The following BNC2 variants were observed in gnomAD, a reference collection of about 807,000 sequenced individuals.
BNC2 encodes basonuclin zinc finger protein 2.
A neutral mutation model predicts 76.3 loss-of-function variants in BNC2; 20 were observed. That is an observed-to-expected ratio of 0.26 (90% CI 0.18 to 0.38). The LOEUF is 0.38. Ranked by LOEUF, BNC2 falls within the 10% of genes least tolerant of loss-of-function variation. BNC2 has a pLI of 1.00. For missense variants in BNC2, 1,382 were observed against 1,399.8 expected (o/e 0.99, Z 0.20); for synonymous variants, 582 against 514.8 (o/e 1.13, Z -1.77).
intron 1 of BNC2, among the ~76,000 whole-genome samples, chr9:16,764,130 AT>A (rs772287830): frequency 1.1e-4 from 16 of 152,084 alleles, no homozygotes; most frequent in Non-Finnish European, 1.6e-4. Context: ...AGGAACTTTA[AT>A]TTTTTTGGCC....
At chr9:16,463,278 A>G (rs537009236) in intron 5 of BNC2, among the ~76,000 whole-genome samples, 74 of 151,240 alleles carry the variant, frequency 4.9e-4, no homozygotes, top group African/African-American at 1.8e-3. Flanking sequence ...CACTGTGAGC[A>G]TACAAGTATT....
At chr9:16,522,884 G>A (rs1438622521) in intron 5 of BNC2, among the ~76,000 whole-genome samples, 1 of 152,050 alleles carries the variant, frequency 6.6e-6, no homozygotes, top group Non-Finnish European at 1.5e-5. Flanking sequence ...ACCCCCAGCT[G>A]TCCAGAAAAG....
chr9:16,802,787 T>C (rs975572589), intron 1 of BNC2, among the ~76,000 whole-genome samples: 1 of 152,224 alleles, frequency 6.6e-6, no homozygotes, highest in Non-Finnish European at 1.5e-5. Context: ...GAGATTCTGC[T>C]GGGACCAGAG....
intron 6 of BNC2, among the ~76,000 whole-genome samples, chr9:16,420,502 A>G (rs936454930): frequency 6.6e-6 from 1 of 152,098 alleles, no homozygotes; most frequent in South Asian, 2.1e-4. Context: ...AAAAAATCAC[A>G]CTGAACAACA....
At position 16,418,068 on chromosome 9, in the gene BNC2, A is replaced by G. The variant is rs1364881999; in HGVS notation, c.*921T>C. ...ATACTGACCAGACCATTTTTATACA[A>G]GTGAATTTTTTTTAAAAAAGACACT... is the stretch of plus-strand genomic sequence containing the variant. On this transcript the variant is annotated 3_prime_UTR_variant, in exon 7 of 7. Coordinates refer to ENST00000380672, the MANE Select transcript of BNC2 (RefSeq NM_017637.6). The G allele has an allele frequency of 6.6e-6, 1 of 152,662 alleles. No homozygotes were observed. The highest frequency in any genetic ancestry group is 1.5e-5 in the Non-Finnish European group (1 of 68,046). The allele number at this position is 152,662 out of a possible 1,614,324, so 9.5% of individuals were successfully genotyped here. A position where few individuals can be genotyped will look rare whatever the true frequency, so the allele number is the denominator to read the frequency against.
At chr9:16,613,571 A>G (rs1013268736) in intron 3 of BNC2, among the ~76,000 whole-genome samples, 3 of 152,182 alleles carry the variant, frequency 2.0e-5, no homozygotes, top group Non-Finnish European at 4.4e-5. Flanking sequence ...GAGATCAGCT[A>G]CTACCTTCAT....
At chr9:16,424,836 G>A (rs10511620) in intron 6 of BNC2, among the ~76,000 whole-genome samples, 8,384 of 152,208 alleles carry the variant, frequency 0.055, 278 homozygotes, top group Middle Eastern at 0.11. Flanking sequence ...TATCTGGATT[G>A]CTACAACACT....
chr9:16,772,844 A>C (rs1273730029), intron 1 of BNC2, among the ~76,000 whole-genome samples: 1 of 152,196 alleles, frequency 6.6e-6, no homozygotes, highest in South Asian at 2.1e-4. Context: ...ATATTCTATG[A>C]AGACTGATTC....
chr9:16,740,351 G>A (rs1169047439), intron 1 of BNC2, among the ~76,000 whole-genome samples: 51 of 152,196 alleles, frequency 3.4e-4, no homozygotes, highest in Admixed American at 3.3e-3. Flanking sequence ...GACAGTGACT[G>A]ACACAGTATA....
chr9:16,813,631 G>C (rs1818112746), intron 1 of BNC2, among the ~76,000 whole-genome samples: 1 of 152,172 alleles, frequency 6.6e-6, no homozygotes, highest in African/African-American at 2.4e-5. Context: ...AGAATGGAAA[G>C]AGGGGATGAA....
intron 1 of BNC2, among the ~76,000 whole-genome samples, chr9:16,752,112 A>C (rs1825234903): frequency 6.6e-6 from 1 of 152,154 alleles, no homozygotes; most frequent in African/African-American, 2.4e-5. Flanking sequence ...CTGTTCTAAT[A>C]ATTTCTTTTA....
At chr9:16,445,509 C>A (rs1333627132) in intron 5 of BNC2, among the ~76,000 whole-genome samples, 1 of 150,736 alleles carries the variant, frequency 6.6e-6, no homozygotes, top group Non-Finnish European at 1.5e-5. Context: ...TTTTTTAAAT[C>A]AACATTTGTT....
At chr9:16,689,243 G>A (rs1469562380) in intron 3 of BNC2, among the ~76,000 whole-genome samples, 1 of 151,902 alleles carries the variant, frequency 6.6e-6, no homozygotes. Flanking sequence ...TTGTAAATGG[G>A]AGCTACCGTT....
chr9:16,681,588 A>T (rs1822822934), intron 3 of BNC2, among the ~76,000 whole-genome samples: 1 of 152,228 alleles, frequency 6.6e-6, no homozygotes. Context: ...ACACACACAA[A>T]CTCACACACA....
intron 3 of BNC2, among the ~76,000 whole-genome samples, chr9:16,634,080 T>C (rs1821245444): frequency 6.6e-6 from 1 of 152,186 alleles, no homozygotes; most frequent in Non-Finnish European, 1.5e-5. Flanking sequence ...AGTACTTCTC[T>C]AAACAAACTG....
At chr9:16,629,112 C>A (rs1312742265) in intron 3 of BNC2, among the ~76,000 whole-genome samples, 2 of 152,096 alleles carry the variant, frequency 1.3e-5, no homozygotes, top group East Asian at 1.9e-4. Flanking sequence ...CAGTGTTTCA[C>A]ATACAGAGAA....
chr9:16,849,140 C>T (rs1001439608), intron 1 of BNC2, among the ~76,000 whole-genome samples: 1 of 151,830 alleles, frequency 6.6e-6, no homozygotes, highest in African/African-American at 2.4e-5. Flanking sequence ...TCAGAGAGCC[C>T]CAGGGAGGAA....
chr9:16,691,434 AC>A (rs1198627393), intron 3 of BNC2, among the ~76,000 whole-genome samples: 1 of 151,196 alleles, frequency 6.6e-6, no homozygotes, highest in African/African-American at 2.4e-5. Flanking sequence ...TTCTTGCTTT[AC>A]CTGGGTTTTA....
intron 3 of BNC2, among the ~76,000 whole-genome samples, chr9:16,601,428 T>G (rs1820240994): frequency 6.6e-6 from 1 of 152,226 alleles, no homozygotes. Flanking sequence ...GAAGATGCTC[T>G]GTTTAAAGGA....
Sources: gnomAD v4.1 joint callset for allele counts (sites outside exome capture counted in the v4.1 genomes callset) on GRCh38, gnomAD v4.1.1 for gene constraint, MANE v1.5 for transcripts, NCBI Gene and HGNC (gene_info 2026-07-23, HGNC 2026-07-21) for gene names.